Variants in UQCRC1 observed in about 807,000 individuals in gnomAD.
UQCRC1 encodes the protein ubiquinol-cytochrome c reductase core protein 1, also known as cytochrome b-c1 complex subunit 1, mitochondrial.
In UQCRC1, 34 loss-of-function variants were observed where a neutral mutation model predicts 58.0. The ratio of observed to expected loss-of-function variants is 0.59; its 90% confidence interval spans 0.45 to 0.78. The LOEUF (loss-of-function observed/expected upper bound fraction) is 0.78, where lower values mean the gene tolerates loss of function less well. Ranked by LOEUF, UQCRC1 falls within the 30% of genes least tolerant of loss-of-function variation. UQCRC1 has a pLI of 0.00. For synonymous variants in UQCRC1, 276 were observed against 248.8 expected (o/e 1.11, Z -1.03); for missense variants, 610 against 646.0 (o/e 0.94, Z 0.60).
intron 7 of UQCRC1, 28 bp downstream of exon 7, chr3:48,601,324 C>G: frequency 6.2e-7 from 1 of 1,612,040 alleles, no homozygotes; most frequent in South Asian, 1.1e-5. Flanking sequence ...CCCAGCTGAG[C>G]ACTACTCCTG....
chr3:48,607,559 CT>C (rs112257968), intron 2 of UQCRC1, among the ~76,000 whole-genome samples: 2,245 of 139,272 alleles, frequency 0.016, 22 homozygotes, highest in African/African-American at 0.045. Context: ...CCATTTTTTT[CT>C]TTTTTTTTTT....
rs1227270283 is a variant in UQCRC1, at chr3:48,599,204, G to A, written c.1379-12C>T. ...CTGCTCAATGGGGCCTGTGGGGATA[G>A]GGTGGAGCGTCAGGGTGGGGTACCT... On this transcript the variant is annotated splice_polypyrimidine_tract_variant and intron_variant, in intron 12 of 12. Transcript: ENST00000203407. 4.4e-6 allele frequency: 7 copies of A among 1,591,136 alleles called. No homozygotes were observed. The highest frequency in any genetic ancestry group is 1.1e-5 in the South Asian group (1 of 88,624).
Position 48,601,274 on chromosome 3 carries a change from C to T in UQCRC1, c.822+78G>A, listed in dbSNP as rs1409592498. On this transcript the variant is annotated intron_variant, in intron 7 of 12. Coordinates refer to ENST00000203407, the MANE Select transcript of UQCRC1 (RefSeq NM_003365.3). ...CCAACTGCTGAGGTATCTCTGGAGT[C>T]ACCAGGATAACCATGCACATGGGGG... 7.6e-6 allele frequency: 12 copies of T among 1,569,368 alleles called. No individual in the cohort carries two copies. The African/African-American group carries it at 1.5e-4, about 19-fold the overall frequency.
chr3:48,603,317 C>T (rs1024879617), intron 6 of UQCRC1, among the ~76,000 whole-genome samples: 1 of 152,200 alleles, frequency 6.6e-6, no homozygotes, highest in African/African-American at 2.4e-5. Flanking sequence ...TATCCTAGAA[C>T]CAGGTGGGGC....
Position 48,599,121 on chromosome 3 carries a change from T to C in UQCRC1, c.*7A>G, listed in dbSNP as rs1392016518. The C allele has an allele frequency of 8.7e-6, 14 of 1,611,476 alleles. No homozygotes were observed. The highest frequency in any genetic ancestry group is 1.1e-5 in the Non-Finnish European group (13 of 1,178,614). On this transcript the variant is annotated 3_prime_UTR_variant, in exon 13 of 13. Transcript: ENST00000203407. The stretch of plus-strand genomic sequence containing the variant: ...GCCCTGCCCTCTTGCTTACATAGGC[T>C]TCCCGCCTAGAAGCGCAGCCAGAAC...
chr3:48,604,083 C>T (rs2046389577), intron 5 of UQCRC1, 150 bp downstream of exon 5: 3 of 826,044 alleles, frequency 3.6e-6, no homozygotes, highest in Non-Finnish European at 5.8e-6. Context: ...AAAAAAGACT[C>T]ACTGGACCAC....
chr3:48,607,105 G>A (rs1486740197), intron 2 of UQCRC1, among the ~76,000 whole-genome samples: 5 of 150,330 alleles, frequency 3.3e-5, no homozygotes, highest in Non-Finnish European at 7.4e-5. Context: ...GCAGTGGTGC[G>A]ATCTTGGCTC....
Position 48,600,080 on chromosome 3 carries a change from A to G in UQCRC1, c.1285T>C (p.Trp429Arg), listed in dbSNP as rs750440742. The G allele has an allele frequency of 1.2e-6, 2 of 1,614,024 alleles. No homozygotes were observed. The highest frequency in any genetic ancestry group is 1.7e-6 in the Non-Finnish European group (2 of 1,180,028). Residue 429 changes from tryptophan to arginine, a missense_variant, in exon 11 of 13, where the codon TGG becomes CGG. Physicochemically the swap from Trp to Arg is moderately radical, Grantham distance 101. Transcript: ENST00000203407. ...TYGRRIPLAEWESRIAEVDAS... is the reference protein window; with the variant it reads ...TYGRRIPLAERESRIAEVDAS... Reference sequence around the variant, plus strand: ...CATGTTACCGCAATCCGGCTTTCCCATTCAGCCAGGGGGATGCGGCGGCCA... The same window carrying G: ...CATGTTACCGCAATCCGGCTTTCCCGTTCAGCCAGGGGGATGCGGCGGCCA...
At chr3:48,609,489 G>A in intron 1 of UQCRC1, 63 bp downstream of exon 1, 1 of 1,538,372 alleles carries the variant, frequency 6.5e-7, no homozygotes, top group Non-Finnish European at 8.7e-7. Context: ...ACTGCTAACA[G>A]CCCACACCTG....
intron 7 of UQCRC1, 93 bp from the exon 8 acceptor site, chr3:48,601,211 CAT>C: frequency 2.6e-6 from 4 of 1,541,830 alleles, no homozygotes; most frequent in Non-Finnish European, 2.6e-6. Context: ...TGTGTGTGAA[CAT>C]GTGTGCCTGT....
Position 48,599,157 on chromosome 3 carries a change from G to A in UQCRC1, c.1414C>T (p.Arg472Cys), listed in dbSNP as rs778390581. 17 of 1,611,296 alleles carry A rather than the reference G, an allele frequency of 1.1e-5. No individual in the cohort carries two copies. The highest frequency in any genetic ancestry group is 1.7e-5 in the Admixed American group (1 of 59,762). ...IEQLPDYNRI[R>C]SGMFWLRF ...AAGCGCAGCCAGAACATGCCGCTAC[G>A]GATCCGGTTGTAGTCTGGGAGCTGC... The change falls in exon 13 of 13, where the codon CGT (arginine) becomes TGT (cysteine). Residue 472 changes from arginine to cysteine, a missense_variant. Physicochemically the swap from Arg to Cys is radical, Grantham distance 180 (BLOSUM62 -3). Coordinates refer to ENST00000203407, the MANE Select transcript of UQCRC1 (RefSeq NM_003365.3).
intron 2 of UQCRC1, among the ~76,000 whole-genome samples, chr3:48,608,153 C>T (rs2046430619): frequency 6.6e-6 from 1 of 152,208 alleles, no homozygotes; most frequent in Admixed American, 6.5e-5. Flanking sequence ...TCCACCCCTT[C>T]ATCCTTCCAA....
In UQCRC1 at chr3:48,601,463, C is replaced by T. The variant is rs771450234; in HGVS notation, c.711G>A (p.Val237=). The T allele has an allele frequency of 6.2e-7, 1 of 1,613,854 alleles. No homozygotes were observed. The highest frequency in any genetic ancestry group is 1.1e-5 in the South Asian group (1 of 90,966). The change falls in exon 7 of 13, where the codon GTG becomes GTA. Residue 237 remains valine, a synonymous_variant. Coordinates refer to ENST00000203407, the MANE Select transcript of UQCRC1 (RefSeq NM_003365.3). ...CGAGGTCTAACAGTTGCTGGTGCTCCACTCCTGCTGAGACAGACAGTGGCA... is the reference window on the plus strand; with the variant it reads ...CGAGGTCTAACAGTTGCTGGTGCTCTACTCCTGCTGAGACAGACAGTGGCA... ...PRMVLAAAGG[V]EHQQLLDLAQ...
chr3:48,603,489 G>A lies in UQCRC1; in HGVS notation c.706+75C>T. ...CCTGGGGTGAAAGGTCCCCTATGGT[G>A]GGAACCAGGACCTCGGCTTTGATAA... On this transcript the variant is annotated intron_variant, in intron 6 of 12. Coordinates refer to ENST00000203407, the MANE Select transcript of UQCRC1 (RefSeq NM_003365.3). 2.7e-6 allele frequency: 4 copies of A among 1,496,450 alleles called. 1 individual carries two copies. Among genetic ancestry groups the A allele is most frequent in the South Asian group, 2.3e-5 (2 of 85,376 alleles). The allele number at this position is 1,496,450 out of a possible 1,614,324, so 92.7% of individuals were successfully genotyped here.
chr3:48,606,049 C>T (rs563412572), intron 2 of UQCRC1, among the ~76,000 whole-genome samples, 193 bp from the exon 3 acceptor site: 45 of 152,296 alleles, frequency 3.0e-4, no homozygotes, highest in Non-Finnish European at 4.4e-5. Flanking sequence ...CCGAATGACT[C>T]GTCACACCAC....
chr3:48,609,002 G>A (rs1160996995), intron 2 of UQCRC1, among the ~76,000 whole-genome samples, 160 bp downstream of exon 2: 1 of 152,196 alleles, frequency 6.6e-6, no homozygotes, highest in Non-Finnish European at 1.5e-5. Flanking sequence ...AAGCCAAGGC[G>A]TGGCTAGGGT....
In UQCRC1 at chr3:48,600,697, G is replaced by C; in HGVS notation, c.1110C>G (p.Phe370Leu). The C allele has an allele frequency of 6.2e-7, 1 of 1,614,102 alleles. No homozygotes were observed. The highest frequency in any genetic ancestry group is 8.5e-7 in the Non-Finnish European group (1 of 1,180,024). The change falls in exon 9 of 13, where the codon TTC becomes TTG. Residue 370 changes from phenylalanine to leucine, a missense_variant. By Grantham distance (22) the Phe-to-Leu change is conservative. Coordinates refer to ENST00000203407, the MANE Select transcript of UQCRC1 (RefSeq NM_003365.3). ...CCACTTACCACTGCCCTTGCAGGAC[G>C]AACATCATGTCATCGATTTTCATTC... ...CDRMKIDDMM[F>L]VLQGQWMRLC...
chr3:48,600,649 T>C (rs1559455650), intron 9 of UQCRC1, 31 bp downstream of exon 9: 2 of 1,613,990 alleles, frequency 1.2e-6, no homozygotes, highest in Non-Finnish European at 1.7e-6. Flanking sequence ...AAAGCCGCCA[T>C]CCCACCTAGG....
At chr3:48,602,759 G>A (rs924709715) in intron 6 of UQCRC1, among the ~76,000 whole-genome samples, 7 of 151,824 alleles carry the variant, frequency 4.6e-5, no homozygotes, top group Non-Finnish European at 5.9e-5. Context: ...CTTACCTCAG[G>A]TGATTCACCC....
Sources: gnomAD v4.1 joint callset for allele counts (sites outside exome capture counted in the v4.1 genomes callset) on GRCh38, gnomAD v4.1.1 for gene constraint, MANE v1.5 for transcripts, NCBI Gene and HGNC (gene_info 2026-07-23, HGNC 2026-07-21) for gene names.